Variants in RAB3C observed in about 807,000 individuals in gnomAD.
The protein encoded by RAB3C is RAB3C, member RAS oncogene family.
In RAB3C, 17 loss-of-function variants were observed where a neutral mutation model predicts 26.4. The observed-to-expected ratio is 0.64, with a 90% confidence interval of 0.44 to 0.97. The LOEUF (loss-of-function observed/expected upper bound fraction) is 0.97, where lower values mean the gene tolerates loss of function less well. RAB3C is among the 50% of genes least tolerant of loss of function. The probability of loss-of-function intolerance (pLI) is 0.00; values close to 1 mark genes in which losing one functional copy is unlikely to be tolerated. For synonymous variants in RAB3C, 91 were observed against 95.9 expected (o/e 0.95, Z 0.30); for missense variants, 242 against 281.9 (o/e 0.86, Z 1.01).
intron 1 of RAB3C, among the ~76,000 whole-genome samples, chr5:58,584,126 A>G (rs907119754): frequency 6.6e-6 from 1 of 152,204 alleles, no homozygotes; most frequent in Non-Finnish European, 1.5e-5. Context: ...AATAGAAAAC[A>G]TCATTTGGAA....
intron 2 of RAB3C, among the ~76,000 whole-genome samples, chr5:58,679,537 C>T (rs187550907): frequency 1.3e-5 from 2 of 152,184 alleles, no homozygotes; most frequent in Non-Finnish European, 2.9e-5. Context: ...GGGCCTTCAC[C>T]TTATGGTTTT....
At chr5:58,794,059 T>C (rs913230452) in intron 3 of RAB3C, among the ~76,000 whole-genome samples, 36 of 152,146 alleles carry the variant, frequency 2.4e-4, no homozygotes, top group African/African-American at 8.4e-4. Flanking sequence ...AGGTCATAAA[T>C]CAGCAGCAAG....
At chr5:58,774,917 C>A (rs187069577) in intron 3 of RAB3C, among the ~76,000 whole-genome samples, 6 of 152,112 alleles carry the variant, frequency 3.9e-5, no homozygotes, top group African/African-American at 1.4e-4. Flanking sequence ...ATCTTGAGGG[C>A]CTTGTGAAGC....
chr5:58,794,988 C>T (rs1742612082), intron 3 of RAB3C, among the ~76,000 whole-genome samples: 1 of 152,212 alleles, frequency 6.6e-6, no homozygotes, highest in Non-Finnish European at 1.5e-5. Context: ...TGTGTCCCCG[C>T]CCTAATCTCA....
At chr5:58,699,440 G>A (rs767074215) in intron 2 of RAB3C, among the ~76,000 whole-genome samples, 16 of 152,204 alleles carry the variant, frequency 1.1e-4, no homozygotes, top group Non-Finnish European at 2.1e-4. Context: ...ACTTGAGGAA[G>A]CAGTCTGTCT....
intron 1 of RAB3C, among the ~76,000 whole-genome samples, chr5:58,593,672 G>A (rs1335176062): frequency 6.6e-6 from 1 of 152,060 alleles, no homozygotes; most frequent in African/African-American, 2.4e-5. Flanking sequence ...TTCCTTAATG[G>A]CGTCAACTCT....
chr5:58,794,494 A>T (rs1742599506), intron 3 of RAB3C: 1 of 151,520 alleles, frequency 6.6e-6, no homozygotes, highest in African/African-American at 2.4e-5. Flanking sequence ...TGTGGTCCAG[A>T]TTGTCTAACC....
At chr5:58,756,323 ATATATATATATAACATATATATGT>A (rs1303938243) in intron 3 of RAB3C, among the ~76,000 whole-genome samples, 9 of 140,108 alleles carry the variant, frequency 6.4e-5, no homozygotes, top group African/African-American at 2.3e-4. Flanking sequence ...GTAGTTATAT[ATATATATATATAACATATATATGT>A]TATATATATA....
chr5:58,824,946 A>G (rs536470412), intron 3 of RAB3C, 92 bp from the exon 4 acceptor site: 6 of 850,522 alleles, frequency 7.1e-6, no homozygotes, highest in Admixed American at 2.7e-5. Flanking sequence ...TCCTTTTGCT[A>G]CCATCATCAT....
At chr5:58,813,633 T>TAC (rs138105407) in intron 3 of RAB3C, among the ~76,000 whole-genome samples, 403 of 17,102 alleles carry the variant, frequency 0.024, 4 homozygotes, top group African/African-American at 0.068. Context: ...TATATATATA[T>TAC]ACACACACAC....
At chr5:58,813,351 G>A (rs942506917) in intron 3 of RAB3C, among the ~76,000 whole-genome samples, 14 of 151,786 alleles carry the variant, frequency 9.2e-5, no homozygotes, top group Admixed American at 3.3e-4. Flanking sequence ...GGTCTTCCTC[G>A]TTTCAGAAGG....
At chr5:58,802,356 T>C (rs1742828588) in intron 3 of RAB3C, among the ~76,000 whole-genome samples, 1 of 152,198 alleles carries the variant, frequency 6.6e-6, no homozygotes, top group East Asian at 1.9e-4. Flanking sequence ...TTCTTTATTG[T>C]TTGTGCATCT....
chr5:58,672,791 T>C (rs1748146682), intron 2 of RAB3C, among the ~76,000 whole-genome samples: 1 of 152,226 alleles, frequency 6.6e-6, no homozygotes, highest in Non-Finnish European at 1.5e-5. Context: ...ATTAGCTCTC[T>C]TTTAAGTCAG....
rs546912317 is a variant in RAB3C, at chr5:58,776,779, A to G, written c.372-48259A>G. Among the ~76,000 whole-genome samples the G allele has an allele frequency of 1.2e-4, 19 of 152,194 alleles. No individual in the cohort carries two copies. The South Asian group carries it at 2.3e-3, about 18-fold the overall frequency. ...ACAGGGGTTGGGGAGGTTCCGCTCTATACACATTTTAGGGTCAAATTCCTT... is the reference window on the plus strand; with the variant it reads ...ACAGGGGTTGGGGAGGTTCCGCTCTGTACACATTTTAGGGTCAAATTCCTT... On this transcript the variant is annotated intron_variant, in intron 3 of 4. Transcript: ENST00000282878.
At chr5:58,694,680 A>G (rs1443513464) in intron 2 of RAB3C, among the ~76,000 whole-genome samples, 2 of 152,174 alleles carry the variant, frequency 1.3e-5, no homozygotes, top group African/African-American at 2.4e-5. Context: ...TTTTCTGATG[A>G]CCAGTGATGA....
chr5:58,652,197 A>G lies in RAB3C; in HGVS notation c.252+34327A>G, dbSNP rs1009346382. On this transcript the variant is annotated intron_variant, in intron 2 of 4. Coordinates refer to ENST00000282878, the MANE Select transcript of RAB3C (RefSeq NM_138453.4). ...ATTATTCTTGTATAGTTTTCTTTTC[A>G]AGTTGGAAAATATTTTACAATGTTC... 3.3e-5 allele frequency among the ~76,000 whole-genome samples: 5 copies of G among 151,882 alleles called. No homozygotes were observed. In the South Asian group the frequency reaches 8.3e-4, roughly 25 times the overall value.
chr5:58,615,449 A>G (rs1211356225), intron 1 of RAB3C, among the ~76,000 whole-genome samples: 1 of 152,184 alleles, frequency 6.6e-6, no homozygotes, highest in Non-Finnish European at 1.5e-5. Context: ...GCATTAAATG[A>G]TGAAAGGACA....
intron 2 of RAB3C, among the ~76,000 whole-genome samples, chr5:58,688,122 G>A (rs1423910657): frequency 6.6e-6 from 1 of 152,080 alleles, no homozygotes; most frequent in Non-Finnish European, 1.5e-5. Context: ...TTAATAACCT[G>A]TTTATTGTTC....
intron 3 of RAB3C, chr5:58,817,019 C>T (rs375997723): frequency 4.6e-5 from 7 of 152,302 alleles, no homozygotes; most frequent in African/African-American, 1.7e-4. Flanking sequence ...AGAATAAGAA[C>T]CCAAGAGGGC....
Sources: gnomAD v4.1 joint callset for allele counts (sites outside exome capture counted in the v4.1 genomes callset) on GRCh38, gnomAD v4.1.1 for gene constraint, MANE v1.5 for transcripts, NCBI Gene and HGNC (gene_info 2026-07-23, HGNC 2026-07-21) for gene names.